Variants in CNTN3 observed in about 807,000 individuals in gnomAD.
The protein encoded by CNTN3 is contactin 3.
Under a neutral mutation model 119.1 loss-of-function variants are expected in CNTN3, and 60 were observed. That is an observed-to-expected ratio of 0.50 (90% confidence interval 0.41 to 0.62). CNTN3 has a LOEUF of 0.62. Ranked by LOEUF, CNTN3 falls within the 20% of genes least tolerant of loss-of-function variation. The probability of loss-of-function intolerance (pLI) is 0.00; values close to 1 mark genes in which losing one functional copy is unlikely to be tolerated. For missense variants in CNTN3, 1,101 were observed against 1,242.4 expected (o/e 0.89, Z 1.71); for synonymous variants, 450 against 438.7 (o/e 1.03, Z -0.32).
chr3:74,375,286 G>A (rs755619126), intron 5 of CNTN3, among the ~76,000 whole-genome samples: 16 of 152,106 alleles, frequency 1.1e-4, no homozygotes, highest in Non-Finnish European at 1.9e-4. Flanking sequence ...CTGGAAAAAG[G>A]TATAGTAAAA....
At chr3:74,333,766 G>A (rs1291708068) in intron 13 of CNTN3, among the ~76,000 whole-genome samples, 1 of 151,944 alleles carries the variant, frequency 6.6e-6, no homozygotes, top group African/African-American at 2.4e-5. Flanking sequence ...ATTTTAATAT[G>A]TTAACATGCC....
intron 1 of CNTN3, among the ~76,000 whole-genome samples, chr3:74,594,344 C>A (rs1228688190): frequency 6.9e-6 from 1 of 144,362 alleles, no homozygotes; most frequent in African/African-American, 2.6e-5. Flanking sequence ...GCACAATGTG[C>A]AGGTTATTTA....
At chr3:74,450,553 G>T (rs148996532) in intron 4 of CNTN3, among the ~76,000 whole-genome samples, 1 of 149,082 alleles carries the variant, frequency 6.7e-6, no homozygotes, top group South Asian at 2.1e-4. Flanking sequence ...GGGTACATGT[G>T]CACAATGTGC....
At chr3:74,512,964 T>G (rs140204585) in intron 2 of CNTN3, among the ~76,000 whole-genome samples, 2 of 152,254 alleles carry the variant, frequency 1.3e-5, no homozygotes, top group African/African-American at 4.8e-5. Flanking sequence ...GAATGAAAAG[T>G]TCTATTTTGC....
chr3:74,522,115 C>T (rs1357548650), intron 1 of CNTN3, among the ~76,000 whole-genome samples: 1 of 151,646 alleles, frequency 6.6e-6, no homozygotes, highest in African/African-American at 2.4e-5. Context: ...TGACATGTGG[C>T]GTATGCAATC....
intron 5 of CNTN3, among the ~76,000 whole-genome samples, chr3:74,388,369 G>A (rs904042713): frequency 6.6e-6 from 1 of 152,058 alleles, no homozygotes; most frequent in African/African-American, 2.4e-5. Flanking sequence ...CTCAAACTGA[G>A]TGGCTTTCGA....
At chr3:74,282,633 C>A (rs1449345268) in intron 20 of CNTN3, among the ~76,000 whole-genome samples, 2 of 152,054 alleles carry the variant, frequency 1.3e-5, no homozygotes, top group Non-Finnish European at 2.9e-5. Flanking sequence ...GCTCTTTATG[C>A]CAAGGCAGAC....
chr3:74,365,805 G>A, intron 8 of CNTN3, 103 bp from the exon 9 acceptor site: 2 of 1,278,356 alleles, frequency 1.6e-6, no homozygotes, highest in Non-Finnish European at 1.1e-6. Context: ...AAATGGACAT[G>A]ATAATGAGTA....
chr3:74,345,087 T>C (rs1703660041), intron 11 of CNTN3, among the ~76,000 whole-genome samples: 1 of 152,194 alleles, frequency 6.6e-6, no homozygotes, highest in Non-Finnish European at 1.5e-5. Context: ...ATGATGACTG[T>C]GTACATTTGA....
Position 74,287,992 on chromosome 3 carries a change from G to A in CNTN3, c.2518-2501C>T, listed in dbSNP as rs766074371. 3.3e-5 allele frequency among the ~76,000 whole-genome samples: 5 copies of A among 152,036 alleles called. No individual in the cohort carries two copies. In the South Asian group the frequency reaches 8.3e-4, roughly 25 times the overall value. On this transcript the variant is annotated intron_variant, in intron 19 of 22. Transcript: ENST00000263665. The stretch of plus-strand genomic sequence containing the variant: ...ATATTTATTTCAGTATGCCTCAATT[G>A]TCTGTATCTTATTTTCCCATGTGCA...
intron 20 of CNTN3, among the ~76,000 whole-genome samples, chr3:74,284,607 C>G (rs854711): frequency 0.13 from 19,321 of 152,054 alleles, 1,237 homozygotes; most frequent in East Asian, 0.14. Context: ...TTGTAAGTAC[C>G]AATAAAACAA....
Position 74,299,912 on chromosome 3 carries a change from T to G in CNTN3, c.2122A>C (p.Asn708His), listed in dbSNP as rs1011242362. 2 of 1,605,080 alleles carry G rather than the reference T, an allele frequency of 1.2e-6. No homozygotes were observed. Among genetic ancestry groups the G allele is most frequent in the Non-Finnish European group, 1.7e-6 (2 of 1,176,144 alleles). Reference protein sequence around the residue: ...AVPEVPPSEVNGGGGSRSELV... With the variant: ...AVPEVPPSEVHGGGGSRSELV... ...TCAGACCGGCTTCCGCCTCCTCCAT[T>G]GACTTCAGAAGGAGGCACTTCTGGA... The change falls in exon 17 of 23, where the codon AAT (asparagine) becomes CAT (histidine). Residue 708 changes from asparagine (N) to histidine (H), a missense_variant. Coordinates refer to ENST00000263665, the MANE Select transcript of CNTN3 (RefSeq NM_020872.3).
chr3:74,414,255 A>G (rs1701484686), intron 5 of CNTN3, among the ~76,000 whole-genome samples: 1 of 152,192 alleles, frequency 6.6e-6, no homozygotes, highest in South Asian at 2.1e-4. Flanking sequence ...TTCAGGGAAA[A>G]AAATCTGCTG....
At chr3:74,601,215 A>G (rs1390102520) in intron 1 of CNTN3, among the ~76,000 whole-genome samples, 1 of 152,036 alleles carries the variant, frequency 6.6e-6, no homozygotes, top group Non-Finnish European at 1.5e-5. Context: ...ATAGATTTAT[A>G]CAGTAGAAAC....
Position 74,301,633 on chromosome 3 carries a change from C to T in CNTN3, c.1945+14G>A. ...TTATATGTGTGCAGATGACATCTGC[C>T]TCTCCTGCTTTACCTGTTGTGACGG... is the stretch of plus-strand genomic sequence containing the variant. On this transcript the variant is annotated intron_variant, in intron 15 of 22. Coordinates refer to ENST00000263665, the MANE Select transcript of CNTN3 (RefSeq NM_020872.3). 2 of 1,613,520 alleles carry T rather than the reference C, an allele frequency of 1.2e-6. No individual in the cohort carries two copies. Among genetic ancestry groups the T allele is most frequent in the Non-Finnish European group, 1.7e-6 (2 of 1,179,676 alleles).
At chr3:74,563,738 TG>T (rs1423010548) in intron 1 of CNTN3, among the ~76,000 whole-genome samples, 1 of 152,140 alleles carries the variant, frequency 6.6e-6, no homozygotes, top group Non-Finnish European at 1.5e-5. Flanking sequence ...TTTAGTGCAG[TG>T]GCACAGTTGT....
intron 1 of CNTN3, among the ~76,000 whole-genome samples, chr3:74,533,119 T>C (rs893511663): frequency 6.6e-6 from 1 of 152,034 alleles, no homozygotes; most frequent in Non-Finnish European, 1.5e-5. Flanking sequence ...TGATGATGCC[T>C]GGCCAGTGCC....
In CNTN3 at chr3:74,297,180, C is replaced by T. The variant is rs569216082; in HGVS notation, c.2401+777G>A. Among the ~76,000 whole-genome samples, 9 of 152,234 alleles carry T rather than the reference C, an allele frequency of 5.9e-5. 1 individual carries two copies. In the South Asian group the frequency reaches 1.9e-3, roughly 32 times the overall value. Reference sequence around the variant, plus strand: ...ACATCCTTTTCTCAGGCCATGGGAACCACTATACAACTTAGGACTAGGGTA... The same window carrying T: ...ACATCCTTTTCTCAGGCCATGGGAATCACTATACAACTTAGGACTAGGGTA... On this transcript the variant is annotated intron_variant, in intron 18 of 22. Transcript: ENST00000263665.
chr3:74,496,585 C>A (rs544789700), intron 3 of CNTN3, among the ~76,000 whole-genome samples: 13 of 151,448 alleles, frequency 8.6e-5, no homozygotes, highest in Non-Finnish European at 1.9e-4. Flanking sequence ...GCAGCAGCGA[C>A]CAGGGATTCT....
Sources: gnomAD v4.1 joint callset for allele counts (sites outside exome capture counted in the v4.1 genomes callset) on GRCh38, gnomAD v4.1.1 for gene constraint, MANE v1.5 for transcripts, NCBI Gene and HGNC (gene_info 2026-07-23, HGNC 2026-07-21) for gene names.